The following SNTG1 variants were observed in gnomAD, a reference collection of about 807,000 sequenced individuals.
SNTG1 encodes the protein gamma-1-syntrophin.
Under a neutral mutation model 74.7 loss-of-function variants are expected in SNTG1, and 39 were observed. The observed-to-expected ratio is 0.52, with a 90% CI of 0.40 to 0.68. SNTG1 has a LOEUF of 0.68. SNTG1 is among the 30% of genes least tolerant of loss of function. SNTG1 has a pLI of 0.00. For synonymous variants in SNTG1, 254 were observed against 217.1 expected, an observed-to-expected ratio of 1.17 and a Z score of -1.49; for missense variants, 685 against 609.5, an observed-to-expected ratio of 1.12 and a Z score of -1.30.
At chr8:50,259,215 A>G (rs771217458) in intron 2 of SNTG1, among the ~76,000 whole-genome samples, 14 of 152,076 alleles carry the variant, frequency 9.2e-5, no homozygotes, top group Non-Finnish European at 1.8e-4. Context: ...ATTAAAGGAG[A>G]AAATCAGTCA....
At chr8:50,264,468 G>T (rs1480522070) in intron 2 of SNTG1, among the ~76,000 whole-genome samples, 1 of 151,860 alleles carries the variant, frequency 6.6e-6, no homozygotes. Flanking sequence ...TACTCAGGGG[G>T]TGGAGGTAGG....
At chr8:50,275,454 T>C (rs2088040552) in intron 2 of SNTG1, among the ~76,000 whole-genome samples, 1 of 152,228 alleles carries the variant, frequency 6.6e-6, no homozygotes, top group African/African-American at 2.4e-5. Context: ...AGTTTATATC[T>C]TTAAAAAATA....
chr8:50,562,208 A>G (rs1034333803), intron 12 of SNTG1, among the ~76,000 whole-genome samples: 25 of 152,236 alleles, frequency 1.6e-4, no homozygotes, highest in Non-Finnish European at 1.5e-5. Context: ...AAAGATGTCT[A>G]TGTCCTAACT....
chr8:50,792,845 A>G lies in SNTG1; in HGVS notation c.*16A>G. 6.2e-7 allele frequency: 1 copy of G among 1,609,714 alleles called. No homozygotes were observed. Among genetic ancestry groups the G allele is most frequent in the Non-Finnish European group, 8.5e-7 (1 of 1,177,606 alleles). The stretch of plus-strand genomic sequence containing the variant: ...TACAACTTGACATACTGAACTCTTC[A>G]TTGACACACCCCATGACTGTATAAG... On this transcript the variant is annotated 3_prime_UTR_variant, in exon 19 of 19. Transcript: ENST00000642720.
intron 2 of SNTG1, among the ~76,000 whole-genome samples, chr8:50,183,035 G>T (rs1280561870): frequency 6.6e-6 from 1 of 152,040 alleles, no homozygotes; most frequent in Admixed American, 6.6e-5. Context: ...TCCTCTCACG[G>T]TTTGCCCCAA....
intron 2 of SNTG1, among the ~76,000 whole-genome samples, chr8:50,304,521 A>G (rs1272888938): frequency 2.0e-5 from 3 of 152,224 alleles, no homozygotes; most frequent in Non-Finnish European, 2.9e-5. Context: ...ATTAAAACAA[A>G]GATAGAAAAG....
At chr8:50,242,543 A>G (rs1199517988) in intron 2 of SNTG1, among the ~76,000 whole-genome samples, 36 of 121,294 alleles carry the variant, frequency 3.0e-4, no homozygotes, top group Non-Finnish European at 5.2e-4. Flanking sequence ...AAAAAAAAAA[A>G]AACACACCAG....
At chr8:50,304,273 CAT>C (rs1191869604) in intron 2 of SNTG1, among the ~76,000 whole-genome samples, 2 of 152,148 alleles carry the variant, frequency 1.3e-5, no homozygotes, top group Non-Finnish European at 2.9e-5. Context: ...AAATGCTGAG[CAT>C]ATGACAGCAC....
At chr8:50,689,495 A>G (rs1471134825) in intron 15 of SNTG1, among the ~76,000 whole-genome samples, 1 of 152,214 alleles carries the variant, frequency 6.6e-6, no homozygotes, top group Non-Finnish European at 1.5e-5. Context: ...TTCTGCATCT[A>G]TTGAGATAAT....
intron 8 of SNTG1, among the ~76,000 whole-genome samples, chr8:50,452,411 C>G (rs1032951423): frequency 6.6e-6 from 1 of 152,190 alleles, no homozygotes; most frequent in African/African-American, 2.4e-5. Context: ...CTGCTTGTAA[C>G]TTGACTCTTT....
chr8:49,947,039 C>A (rs151174202), intron 1 of SNTG1, among the ~76,000 whole-genome samples: 1 of 152,160 alleles, frequency 6.6e-6, no homozygotes, highest in Non-Finnish European at 1.5e-5. Context: ...GTGGCTCATG[C>A]CTGTAATCCC....
intron 13 of SNTG1, among the ~76,000 whole-genome samples, chr8:50,655,072 T>A (rs534601635): frequency 6.6e-6 from 1 of 152,314 alleles, no homozygotes; most frequent in Admixed American, 6.5e-5. Flanking sequence ...ATTTTCATAT[T>A]CCTATAAATT....
At chr8:50,549,793 C>T (rs1161376533) in intron 11 of SNTG1, among the ~76,000 whole-genome samples, 1 of 152,134 alleles carries the variant, frequency 6.6e-6, no homozygotes, top group Admixed American at 6.6e-5. Flanking sequence ...AAAAATTTTG[C>T]TTTCCCTTAC....
intron 13 of SNTG1, among the ~76,000 whole-genome samples, chr8:50,656,050 A>C (rs2095178355): frequency 6.6e-6 from 1 of 152,114 alleles, no homozygotes; most frequent in South Asian, 2.1e-4. Flanking sequence ...CTCATGAGCC[A>C]AAAAAAGAAA....
chr8:50,052,797 T>C (rs1233771312), intron 1 of SNTG1, among the ~76,000 whole-genome samples: 3 of 152,108 alleles, frequency 2.0e-5, no homozygotes, highest in African/African-American at 7.2e-5. Flanking sequence ...ATATGCACCA[T>C]ATGCAAATGA....
At chr8:50,746,747 G>A (rs1045937133) in intron 17 of SNTG1, among the ~76,000 whole-genome samples, 9 of 150,646 alleles carry the variant, frequency 6.0e-5, no homozygotes, top group African/African-American at 2.2e-4. Flanking sequence ...TGGGTGTGGA[G>A]TGGATATGAA....
At chr8:50,790,757 A>C (rs1390767640) in intron 18 of SNTG1, among the ~76,000 whole-genome samples, 1 of 151,904 alleles carries the variant, frequency 6.6e-6, no homozygotes, top group African/African-American at 2.4e-5. Context: ...AAAAGTTTAA[A>C]GTGTCAATCT....
chr8:50,245,162 A>C (rs1234211182), intron 2 of SNTG1, among the ~76,000 whole-genome samples: 4 of 152,070 alleles, frequency 2.6e-5, no homozygotes, highest in Non-Finnish European at 5.9e-5. Flanking sequence ...CTCTCTTCCA[A>C]ATGGCCTAAG....
chr8:50,694,237 C>G (rs918471064), intron 15 of SNTG1, among the ~76,000 whole-genome samples: 3 of 149,544 alleles, frequency 2.0e-5, no homozygotes, highest in African/African-American at 7.4e-5. Flanking sequence ...ATAAATAAAA[C>G]CAGGGATTAA....
Sources: gnomAD v4.1 joint callset for allele counts (sites outside exome capture counted in the v4.1 genomes callset) on GRCh38, gnomAD v4.1.1 for gene constraint, MANE v1.5 for transcripts, NCBI Gene and HGNC (gene_info 2026-07-23, HGNC 2026-07-21) for gene names.